SAMD4A: variants seen among roughly 807,000 people sequenced by gnomAD.
SAMD4A encodes protein Smaug homolog 1.
SAMD4A carries 33 observed loss-of-function variants against 81.3 expected under a neutral mutation model. The ratio of observed to expected loss-of-function variants is 0.41; its 90% CI spans 0.31 to 0.54. The LOEUF is 0.54. Among genes scored for constraint, SAMD4A ranks in the 20% least tolerant of loss-of-function variants. The probability of loss-of-function intolerance (pLI) is 0.37; values close to 1 mark genes in which losing one functional copy is unlikely to be tolerated. For missense variants in SAMD4A, 854 were observed against 951.1 expected, an observed-to-expected ratio of 0.90 and a Z score of 1.34; for synonymous variants, 389 against 382.1, an observed-to-expected ratio of 1.02 and a Z score of -0.21.
At chr14:54,711,322 CA>C (rs2140805970) in intron 3 of SAMD4A, among the ~76,000 whole-genome samples, 1 of 152,260 alleles carries the variant, frequency 6.6e-6, no homozygotes, top group African/African-American at 2.4e-5. Flanking sequence ...CTTTTAAAAA[CA>C]TACCTTGATT....
intron 4 of SAMD4A, 147 bp downstream of exon 4, chr14:54,737,434 C>T (rs2037723910): frequency 1.1e-6 from 1 of 945,040 alleles, no homozygotes; most frequent in Non-Finnish European, 1.5e-6. Context: ...TCCAGAACTC[C>T]AGGTTGACCA....
At chr14:54,650,823 C>G (rs989331546) in intron 2 of SAMD4A, among the ~76,000 whole-genome samples, 1 of 152,174 alleles carries the variant, frequency 6.6e-6, no homozygotes, top group Admixed American at 6.5e-5. Flanking sequence ...GGAACAGAGG[C>G]GTGCCCCACG....
At chr14:54,709,001 C>T (rs185084109) in intron 3 of SAMD4A, among the ~76,000 whole-genome samples, 9 of 152,176 alleles carry the variant, frequency 5.9e-5, no homozygotes, top group Admixed American at 2.0e-4. Context: ...TGATAGAGGC[C>T]GGATGCAGTG....
At chr14:54,754,124 C>T (rs1466584391) in intron 6 of SAMD4A, among the ~76,000 whole-genome samples, 5 of 152,196 alleles carry the variant, frequency 3.3e-5, no homozygotes, top group African/African-American at 1.2e-4. Flanking sequence ...TAGCTTTATT[C>T]CCTGCAGCCT....
intron 2 of SAMD4A, among the ~76,000 whole-genome samples, chr14:54,632,448 T>C (rs1480529993): frequency 6.6e-6 from 1 of 152,232 alleles, no homozygotes; most frequent in East Asian, 1.9e-4. Context: ...GAGTAGCCAC[T>C]GTTTTTACAT....
intron 2 of SAMD4A, among the ~76,000 whole-genome samples, chr14:54,698,279 A>G (rs2036624341): frequency 6.6e-6 from 1 of 152,236 alleles, no homozygotes; most frequent in South Asian, 2.1e-4. Context: ...TAACTATTAC[A>G]TATTTGTATG....
In SAMD4A at chr14:54,669,859, G is replaced by A. The variant is rs550580268; in HGVS notation, c.197-32203G>A. ...TGCACCAAGAATCCCGGAGTGAATC[G>A]AATAATATTCCAGATTCTATGAATC... On this transcript the variant is annotated intron_variant, in intron 2 of 12. Coordinates refer to ENST00000554335, the MANE Select transcript of SAMD4A (RefSeq NM_015589.6). Among the ~76,000 whole-genome samples the A allele has an allele frequency of 1.4e-4, 21 of 152,268 alleles. No individual in the cohort carries two copies. In the South Asian group the frequency reaches 2.1e-3, roughly 15 times the overall value.
chr14:54,627,750 T>A (rs528104290), intron 2 of SAMD4A, among the ~76,000 whole-genome samples: 1 of 152,382 alleles, frequency 6.6e-6, no homozygotes, highest in South Asian at 2.1e-4. Context: ...TGTGTCTCTC[T>A]GTTAGTTTAT....
intron 7 of SAMD4A, among the ~76,000 whole-genome samples, chr14:54,764,158 C>T (rs935269264): frequency 2.6e-5 from 4 of 152,214 alleles, no homozygotes; most frequent in Non-Finnish European, 4.4e-5. Context: ...AAGCTCAGGA[C>T]GCCACTATTC....
intron 2 of SAMD4A, among the ~76,000 whole-genome samples, chr14:54,642,063 G>A (rs2035187635): frequency 6.6e-6 from 1 of 152,156 alleles, no homozygotes; most frequent in African/African-American, 2.4e-5. Context: ...CTCCCAAAGT[G>A]CTGGGATTAC....
chr14:54,603,454 A>C (rs568849222), intron 2 of SAMD4A, among the ~76,000 whole-genome samples: 1 of 152,226 alleles, frequency 6.6e-6, no homozygotes, highest in Non-Finnish European at 1.5e-5. Flanking sequence ...CTCTTGCTTC[A>C]AGATAGTAGG....
At chr14:54,720,049 T>G (rs983288309) in intron 3 of SAMD4A, among the ~76,000 whole-genome samples, 2 of 152,202 alleles carry the variant, frequency 1.3e-5, no homozygotes, top group African/African-American at 2.4e-5. Context: ...TCCTTAATGT[T>G]TCTTCTCCTA....
intron 11 of SAMD4A, among the ~76,000 whole-genome samples, chr14:54,777,763 C>A (rs1219659787): frequency 3.9e-5 from 6 of 152,250 alleles, no homozygotes; most frequent in Non-Finnish European, 8.8e-5. Flanking sequence ...AGGGGAGCGA[C>A]AGCTACCCAG....
At chr14:54,652,228 T>C (rs1460122374) in intron 2 of SAMD4A, among the ~76,000 whole-genome samples, 1 of 152,240 alleles carries the variant, frequency 6.6e-6, no homozygotes, top group East Asian at 1.9e-4. Flanking sequence ...CCTGGCCATA[T>C]AGTAAAAATG....
chr14:54,611,226 T>C (rs566214109), intron 2 of SAMD4A, among the ~76,000 whole-genome samples: 1 of 152,356 alleles, frequency 6.6e-6, no homozygotes, highest in African/African-American at 2.4e-5. Context: ...CTCTCTCCCC[T>C]TTTAATCCAT....
intron 2 of SAMD4A, among the ~76,000 whole-genome samples, chr14:54,627,830 G>A (rs2034803401): frequency 6.6e-6 from 1 of 152,196 alleles, no homozygotes; most frequent in Non-Finnish European, 1.5e-5. Context: ...GTTTCATGCA[G>A]AGAGGGTTTT....
At position 54,793,074 on chromosome 14, in the gene SAMD4A, G is replaced by T. The variant is rs1594952724; in HGVS notation, c.*4130G>T. On this transcript the variant is annotated 3_prime_UTR_variant, in exon 13 of 13. Coordinates refer to ENST00000554335, the MANE Select transcript of SAMD4A (RefSeq NM_015589.6). Reference sequence around the variant, plus strand: ...TTTAAATTTGTCATATATGGAAAGAGCATGTTTGTTACATGTAAAAGCTTT... The same window carrying T: ...TTTAAATTTGTCATATATGGAAAGATCATGTTTGTTACATGTAAAAGCTTT... 1 of 152,314 alleles carries T rather than the reference G, an allele frequency of 6.6e-6. No individual in the cohort carries two copies. Among genetic ancestry groups the T allele is most frequent in the Non-Finnish European group, 1.5e-5 (1 of 68,022 alleles). The allele number at this position is 152,314 out of a possible 1,614,324, so 9.4% of individuals were successfully genotyped here.
chr14:54,666,057 T>C (rs933261100), intron 2 of SAMD4A, among the ~76,000 whole-genome samples: 9 of 152,204 alleles, frequency 5.9e-5, no homozygotes, highest in Non-Finnish European at 1.0e-4. Context: ...GTTCTTAGAT[T>C]GTCTGGCAAG....
intron 9 of SAMD4A, among the ~76,000 whole-genome samples, chr14:54,771,794 C>T (rs779051023): frequency 2.2e-4 from 33 of 152,138 alleles, no homozygotes; most frequent in Non-Finnish European, 4.1e-4. Flanking sequence ...GAAGATGGGG[C>T]GGCTCTTTGC....
Sources: allele counts gnomAD v4.1 joint callset (sites outside exome capture counted in the v4.1 genomes callset), GRCh38; gene constraint gnomAD v4.1.1; transcripts MANE v1.5; gene names NCBI Gene and HGNC (gene_info 2026-07-23, HGNC 2026-07-21).